The following SLC25A16 variants were observed in gnomAD, a reference collection of about 807,000 sequenced individuals.
SLC25A16 encodes the protein mitochondrial coenzyme A transporter SLC25A16.
In SLC25A16, 39 loss-of-function variants were observed where a neutral mutation model predicts 41.5. The ratio of observed to expected loss-of-function variants is 0.94; its 90% CI spans 0.73 to 1.23. SLC25A16 has a LOEUF of 1.23. Among genes scored for constraint, SLC25A16 ranks in the 50% most tolerant of loss-of-function variants. The probability of loss-of-function intolerance (pLI) is 0.00; values close to 1 mark genes in which losing one functional copy is unlikely to be tolerated. For synonymous variants in SLC25A16, 146 were observed against 147.8 expected (o/e 0.99, Z 0.09); for missense variants, 421 against 426.9 (o/e 0.99, Z 0.12).
At chr10:68,509,254 T>C (rs2053012104) in intron 2 of SLC25A16, among the ~76,000 whole-genome samples, 1 of 151,942 alleles carries the variant, frequency 6.6e-6, no homozygotes, top group Non-Finnish European at 1.5e-5. Flanking sequence ...GGAGAACTGT[T>C]TGAACCCGGG....
In SLC25A16 at chr10:68,527,365, GC is replaced by G. The variant is rs1350388642; in HGVS notation, c.10del (p.Ala4ArgfsTer57). On this transcript the variant is annotated frameshift_variant, in exon 1 of 9. Transcript: ENST00000609923. LOFTEE classifies it high-confidence loss of function. MAAATAAAALAAAD... is the reference protein window; with the variant it reads MAAXTAAAALAAAD... Reference sequence around the variant, plus strand: ...CGCCGCCAGGGCTGCCGCGGCCGTCGCCGCCGCCATCAGGACCAGGGTCGCG... The same window carrying G: ...CGCCGCCAGGGCTGCCGCGGCCGTCGCGCCGCCATCAGGACCAGGGTCGCG... 1.3e-6 allele frequency: 2 copies of G among 1,500,662 alleles called. No individual in the cohort carries two copies. The highest frequency in any genetic ancestry group is 1.8e-6 in the Non-Finnish European group (2 of 1,130,258). The allele number at this position is 1,500,662 out of a possible 1,614,324, so 93.0% of individuals were successfully genotyped here.
At chr10:68,494,713 C>G (rs146256935) in intron 4 of SLC25A16, among the ~76,000 whole-genome samples, 6,796 of 138,532 alleles carry the variant, frequency 0.049, 201 homozygotes, top group Middle Eastern at 0.068. Context: ...CCCATCTCTA[C>G]TAAAAATAAA....
At chr10:68,496,350 T>A (rs547081404) in intron 4 of SLC25A16, 46 of 272,224 alleles carry the variant, frequency 1.7e-4, no homozygotes, top group African/African-American at 1.0e-3. Context: ...ATTCACACAC[T>A]CCTTACTATT....
chr10:68,486,728 G>C (rs2052570206), intron 8 of SLC25A16, among the ~76,000 whole-genome samples: 2 of 151,706 alleles, frequency 1.3e-5, no homozygotes, highest in African/African-American at 4.8e-5. Flanking sequence ...CAGGCAGGCA[G>C]GCAGATCACT....
rs1264671217 is a variant in SLC25A16 at position 68,512,571 on chromosome 10, G to A, written c.223+4180C>T. On this transcript the variant is annotated intron_variant, in intron 2 of 8. Transcript: ENST00000609923. ...GGAGAATGGCGTGAACCCGGGAGGC[G>A]GAGCTTGCAGTGAGCCGAGATCCCG... Among the ~76,000 whole-genome samples, 4 of 89,302 alleles carry A rather than the reference G, an allele frequency of 4.5e-5. 1 individual carries two copies. The highest frequency in any genetic ancestry group is 2.5e-4 in the Admixed American group (2 of 8,126). 58.6% of individuals were successfully genotyped at this position (89,302 alleles called of 152,430 possible). A position where few individuals can be genotyped will look rare whatever the true frequency, so the allele number is the denominator to read the frequency against.
chr10:68,520,826 A>C (rs1041180158), intron 1 of SLC25A16, among the ~76,000 whole-genome samples: 5 of 150,058 alleles, frequency 3.3e-5, no homozygotes, highest in African/African-American at 1.2e-4. Context: ...AAAAAAAAAA[A>C]AAAAATACAA....
intron 8 of SLC25A16, among the ~76,000 whole-genome samples, chr10:68,485,416 G>T (rs767403339): frequency 6.7e-6 from 1 of 149,930 alleles, no homozygotes; most frequent in East Asian, 2.0e-4. Flanking sequence ...ACAGAGTCTC[G>T]CTCTGTCGCC....
chr10:68,480,002 ACT>A lies in SLC25A16; in HGVS notation c.*3428_*3429del, dbSNP rs2052467498. 7.0e-6 allele frequency: 1 copy of A among 143,354 alleles called. No homozygotes were observed. Among genetic ancestry groups the A allele is most frequent in the South Asian group, 2.3e-4 (1 of 4,400 alleles). 8.9% of individuals were successfully genotyped at this position (143,354 alleles called of 1,614,324 possible). ...CTCCAGCTTGGGTGACAGAGTTAAGACTCTCGTTAAAAAAAAAAAAAAAAGAA... is the reference window on the plus strand; with the variant it reads ...CTCCAGCTTGGGTGACAGAGTTAAGACTCGTTAAAAAAAAAAAAAAAAGAA... On this transcript the variant is annotated 3_prime_UTR_variant, in exon 9 of 9. Coordinates refer to ENST00000609923, the MANE Select transcript of SLC25A16 (RefSeq NM_152707.4).
intron 1 of SLC25A16, chr10:68,517,047 A>G: frequency 8.0e-7 from 1 of 1,243,994 alleles, no homozygotes; most frequent in Non-Finnish European, 1.0e-6. Context: ...AAAACTTACT[A>G]AAACAAATTT....
At chr10:68,508,366 G>A (rs2052993475) in intron 2 of SLC25A16, among the ~76,000 whole-genome samples, 1 of 143,598 alleles carries the variant, frequency 7.0e-6, no homozygotes, top group South Asian at 2.2e-4. Context: ...AGAGAACAGA[G>A]GATACAAAAT....
At chr10:68,508,403 T>TAAAAAAA (rs59336332) in intron 2 of SLC25A16, among the ~76,000 whole-genome samples, 5 of 126,130 alleles carry the variant, frequency 4.0e-5, no homozygotes, top group East Asian at 2.4e-4. Context: ...CAGGAAGCTT[T>TAAAAAAA]AAAAAAAAAA....
At chr10:68,502,696 C>T (rs1296129100) in intron 4 of SLC25A16, among the ~76,000 whole-genome samples, 5 of 140,524 alleles carry the variant, frequency 3.6e-5, no homozygotes, top group Admixed American at 7.6e-5. Flanking sequence ...CACGCCACTG[C>T]ACTCCAAGTC....
chr10:68,483,587 T>C lies in SLC25A16; in HGVS notation c.844A>G (p.Thr282Ala), dbSNP rs1198355785. The C allele has an allele frequency of 1.3e-6, 2 of 1,587,484 alleles. No individual in the cohort carries two copies. The highest frequency in any genetic ancestry group is 2.2e-5 in the East Asian group (1 of 44,516). ...TVLPEFEKCL[T>A]MRDTMKYVYG... ...ACATACTTCATAGTATCCCGCATGGTACTGAAAGACAATGATTAAATGATG... is the reference window on the plus strand; with the variant it reads ...ACATACTTCATAGTATCCCGCATGGCACTGAAAGACAATGATTAAATGATG... Residue 282 changes from threonine (T) to alanine (A), a missense_variant and splice_region_variant, in exon 9 of 9, where the codon ACC becomes GCC. Thr to Ala is a moderately conservative substitution (Grantham distance 58). Transcript: ENST00000609923.
chr10:68,520,343 G>A (rs2053229791), intron 1 of SLC25A16, among the ~76,000 whole-genome samples: 1 of 152,068 alleles, frequency 6.6e-6, no homozygotes. Context: ...GTTACCACCA[G>A]TCATCCATGT....
rs914265202 is a variant in SLC25A16, at chr10:68,493,299, TCCA to T, written c.544-104_544-102del. On this transcript the variant is annotated intron_variant, in intron 5 of 8. Coordinates refer to ENST00000609923, the MANE Select transcript of SLC25A16 (RefSeq NM_152707.4). ...TTATAACAGAAAAATTATTCAGGGATCCACCCTGAAACACAAAGATGTGTTTTC... is the reference window on the plus strand; with the variant it reads ...TTATAACAGAAAAATTATTCAGGGATCCCTGAAACACAAAGATGTGTTTTC... 6 of 1,108,598 alleles carry T rather than the reference TCCA, an allele frequency of 5.4e-6. No homozygotes were observed. The African/African-American group carries it at 9.4e-5, about 17-fold the overall frequency. 68.7% of individuals were successfully genotyped at this position (1,108,598 alleles called of 1,614,324 possible).
At chr10:68,516,725 T>C in intron 2 of SLC25A16, 26 bp downstream of exon 2, 1 of 1,448,938 alleles carries the variant, frequency 6.9e-7, no homozygotes, top group South Asian at 1.2e-5. Context: ...TTCATTCATT[T>C]TTATCTTTAG....
intron 6 of SLC25A16, among the ~76,000 whole-genome samples, chr10:68,489,923 A>G (rs1217792850): frequency 2.0e-5 from 3 of 150,510 alleles, no homozygotes; most frequent in African/African-American, 7.3e-5. Context: ...AAAAAGGAAG[A>G]AAGATTCATA....
intron 8 of SLC25A16, 134 bp downstream of exon 8, chr10:68,487,010 T>C: frequency 2.0e-6 from 1 of 493,524 alleles, no homozygotes; most frequent in Non-Finnish European, 3.7e-6. Flanking sequence ...TGTAATCTTA[T>C]AAAGTTACCA....
At chr10:68,489,833 G>A (rs1190513996) in intron 6 of SLC25A16, among the ~76,000 whole-genome samples, 17 of 151,022 alleles carry the variant, frequency 1.1e-4, no homozygotes, top group Admixed American at 8.0e-4. Flanking sequence ...CCCGGGAGGC[G>A]GAGGATGCAG....
Sources: gnomAD v4.1 joint callset for allele counts (sites outside exome capture counted in the v4.1 genomes callset) on GRCh38, gnomAD v4.1.1 for gene constraint, MANE v1.5 for transcripts, NCBI Gene and HGNC (gene_info 2026-07-23, HGNC 2026-07-21) for gene names.